Variants in TDRD9 observed in about 807,000 individuals in gnomAD.
The protein encoded by TDRD9 is tudor domain containing 9.
In TDRD9, 124 loss-of-function variants were observed where a neutral mutation model predicts 172.6. The ratio of observed to expected loss-of-function variants is 0.72; its 90% CI spans 0.62 to 0.83. TDRD9 has a LOEUF of 0.83. TDRD9 is among the 40% of genes least tolerant of loss of function. The pLI is 0.00. For synonymous variants in TDRD9, 619 were observed against 617.1 expected (o/e 1.00, Z -0.05); for missense variants, 1,479 against 1,714.1 (o/e 0.86, Z 2.42).
At chr14:104,037,758 T>G (rs1291258881) in intron 32 of TDRD9, among the ~76,000 whole-genome samples, 3 of 152,194 alleles carry the variant, frequency 2.0e-5, no homozygotes, top group Non-Finnish European at 4.4e-5. Flanking sequence ...CCTCCATAAC[T>G]CAGGGTGACT....
chr14:103,953,151 T>C (rs912105000), intron 1 of TDRD9, among the ~76,000 whole-genome samples: 9 of 152,210 alleles, frequency 5.9e-5, no homozygotes, highest in Admixed American at 5.2e-4. Context: ...TTTCTCTCTC[T>C]GCTCAAAACC....
At chr14:103,951,832 T>G (rs2031887348) in intron 1 of TDRD9, among the ~76,000 whole-genome samples, 1 of 151,964 alleles carries the variant, frequency 6.6e-6, no homozygotes, top group Non-Finnish European at 1.5e-5. Flanking sequence ...AGTGGCGTGA[T>G]CTCGGCTCAC....
At chr14:103,941,325 T>G in intron 1 of TDRD9, 1 of 1,155,830 alleles carries the variant, frequency 8.7e-7, no homozygotes, top group Non-Finnish European at 1.2e-6. Context: ...TAGAATACAG[T>G]TTCTAGTCAA....
rs1249444634 is a variant in TDRD9 at position 104,007,347 on chromosome 14, T to C, written c.2052+143T>C. 5.5e-6 allele frequency: 4 copies of C among 727,240 alleles called. No homozygotes were observed. In the East Asian group the frequency reaches 8.3e-5, roughly 15 times the overall value. 45.0% of individuals were successfully genotyped at this position (727,240 alleles called of 1,614,324 possible). On this transcript the variant is annotated intron_variant, in intron 19 of 35. Coordinates refer to ENST00000409874, the MANE Select transcript of TDRD9 (RefSeq NM_153046.3). Reference sequence around the variant, plus strand: ...GTCACTGTCAGTGCTCGCACGGCTGTCCCAAGAGTGGCAGGCCATAATCTC... The same window carrying C: ...GTCACTGTCAGTGCTCGCACGGCTGCCCCAAGAGTGGCAGGCCATAATCTC...
chr14:103,976,463 C>T (rs930632569), intron 7 of TDRD9, among the ~76,000 whole-genome samples: 1 of 151,866 alleles, frequency 6.6e-6, no homozygotes, highest in South Asian at 2.1e-4. Context: ...TTAGTAGAGA[C>T]GGGGTTTCAC....
intron 32 of TDRD9, among the ~76,000 whole-genome samples, chr14:104,036,389 A>C (rs1328441963): frequency 6.6e-6 from 1 of 152,150 alleles, no homozygotes; most frequent in Non-Finnish European, 1.5e-5. Context: ...TCCCTCTGTA[A>C]GTTCAGGCGT....
chr14:103,939,741 G>GTT (rs1322302073), intron 1 of TDRD9: 5 of 4,642 alleles, frequency 1.1e-3, no homozygotes, highest in African/African-American at 1.6e-3. Context: ...TTGAAAAAAA[G>GTT]TGTTTTTTTT....
chr14:103,991,570 G>GC (rs1714159683), intron 9 of TDRD9, among the ~76,000 whole-genome samples: 1 of 151,490 alleles, frequency 6.6e-6, no homozygotes, highest in South Asian at 2.1e-4. Flanking sequence ...ACGCCACCAC[G>GC]CCCGGCTTAT....
chr14:103,991,500 C>T (rs2033865073), intron 9 of TDRD9, among the ~76,000 whole-genome samples: 1 of 152,030 alleles, frequency 6.6e-6, no homozygotes. Context: ...GCAACCTCTG[C>T]CTCCCCGGTT....
intron 24 of TDRD9, among the ~76,000 whole-genome samples, chr14:104,024,367 C>T (rs1336846074): frequency 6.6e-6 from 1 of 152,048 alleles, no homozygotes; most frequent in Non-Finnish European, 1.5e-5. Flanking sequence ...GGGATGTGTA[C>T]CCCTTCCAGA....
At chr14:103,971,779 C>G (rs530179338) in intron 6 of TDRD9, among the ~76,000 whole-genome samples, 31 of 152,256 alleles carry the variant, frequency 2.0e-4, no homozygotes, top group Admixed American at 8.5e-4. Flanking sequence ...CTCCAGGCTG[C>G]AGAAAATGGT....
intron 16 of TDRD9, 31 bp downstream of exon 16, chr14:104,006,585 G>A (rs759729109): frequency 6.2e-7 from 1 of 1,611,646 alleles, no homozygotes; most frequent in Non-Finnish European, 8.5e-7. Context: ...ATGCTAATGG[G>A]AAGTTTATAT....
At chr14:104,045,055 A>G (rs887921459) in intron 34 of TDRD9, among the ~76,000 whole-genome samples, 2 of 152,040 alleles carry the variant, frequency 1.3e-5, no homozygotes, top group African/African-American at 4.8e-5. Context: ...AGGCAGGAGA[A>G]TTGCTTGAAC....
chr14:104,052,219 T>C lies in TDRD9; in HGVS notation c.*137T>C. 1.9e-6 allele frequency: 1 copy of C among 533,628 alleles called. No individual in the cohort carries two copies. The highest frequency in any genetic ancestry group is 3.2e-5 in the East Asian group (1 of 31,612). The allele number at this position is 533,628 out of a possible 1,614,324, so 33.1% of individuals were successfully genotyped here. A position where few individuals can be genotyped will look rare whatever the true frequency, so the allele number is the denominator to read the frequency against. The stretch of plus-strand genomic sequence containing the variant: ...CACTGCATCCTAAAGGCCTTTTCTT[T>C]CTTCTTTTCTCTTTGGGTGATAGTC... On this transcript the variant is annotated 3_prime_UTR_variant, in exon 36 of 36. Coordinates refer to ENST00000409874, the MANE Select transcript of TDRD9 (RefSeq NM_153046.3).
At chr14:104,041,340 C>G (rs141481381) in intron 33 of TDRD9, among the ~76,000 whole-genome samples, 360 of 152,204 alleles carry the variant, frequency 2.4e-3, no homozygotes, top group African/African-American at 8.0e-3. Flanking sequence ...AAATACAACA[C>G]CCAAAGCACA....
intron 2 of TDRD9, among the ~76,000 whole-genome samples, chr14:103,960,041 G>A (rs1232742880): frequency 6.6e-6 from 1 of 152,150 alleles, no homozygotes; most frequent in Non-Finnish European, 1.5e-5. Context: ...TATGTGGAAT[G>A]TCTAATAACC....
chr14:104,007,817 G>A (rs144695941), intron 19 of TDRD9, among the ~76,000 whole-genome samples: 21 of 151,184 alleles, frequency 1.4e-4, no homozygotes, highest in African/African-American at 4.1e-4. Flanking sequence ...TCGGTCTGTC[G>A]CCCAGGCTGG....
Position 104,031,130 on chromosome 14 carries a change from G to A in TDRD9, c.3305G>A (p.Gly1102Asp), listed in dbSNP as rs1162347818. ...CAGCAAAGCCATGAAGTTCTCAAGG[G>A]CCTCTTTTCCAAGTCAGTAGAAAAC... is the stretch of plus-strand genomic sequence containing the variant. ...ESKQSHEVLK[G>D]LFSKSVENMT... The change falls in exon 29 of 36, where the codon GGC becomes GAC. Residue 1102 changes from glycine (G) to aspartate (D), a missense_variant. This residue lies in a region of TDRD9 where 1,413 missense variants were observed against 1,649.1 expected (regional missense o/e 0.86). Coordinates refer to ENST00000409874, the MANE Select transcript of TDRD9 (RefSeq NM_153046.3). 1.3e-6 allele frequency: 2 copies of A among 1,550,764 alleles called. No homozygotes were observed. Among genetic ancestry groups the A allele is most frequent in the Admixed American group, 3.9e-5 (2 of 50,730 alleles).
intron 13 of TDRD9, among the ~76,000 whole-genome samples, chr14:103,999,270 T>G (rs1206826464): frequency 2.0e-5 from 3 of 152,180 alleles, no homozygotes; most frequent in Non-Finnish European, 2.9e-5. Flanking sequence ...ATAAACCCCA[T>G]CATCCTGACA....
Sources: allele counts gnomAD v4.1 joint callset (sites outside exome capture counted in the v4.1 genomes callset), GRCh38; gene constraint gnomAD v4.1.1; regional missense constraint gnomAD v4.1.1; transcripts MANE v1.5; gene names NCBI Gene and HGNC (gene_info 2026-07-23, HGNC 2026-07-21).